The following GPR63 variants were observed in gnomAD, a reference collection of about 807,000 sequenced individuals.
The protein encoded by GPR63 is probable G protein-coupled receptor 63.
Under a neutral mutation model 23.1 loss-of-function variants are expected in GPR63, and 12 were observed. The ratio of observed to expected loss-of-function variants is 0.52; its 90% CI spans 0.33 to 0.84. The LOEUF (loss-of-function observed/expected upper bound fraction) is 0.84. Ranked by LOEUF, GPR63 falls within the 40% of genes least tolerant of loss-of-function variation. GPR63 has a pLI of 0.02. For synonymous variants in GPR63, 172 were observed against 191.1 expected (o/e 0.90, Z 0.82); for missense variants, 472 against 515.6 (o/e 0.92, Z 0.82).
Position 96,796,321 on chromosome 6 carries a change from T to C in GPR63, c.*2151A>G, listed in dbSNP as rs1033609799. The C allele has an allele frequency of 6.6e-6, 1 of 152,224 alleles. No homozygotes were observed. The allele number at this position is 152,224 out of a possible 1,614,324, so 9.4% of individuals were successfully genotyped here. The stretch of plus-strand genomic sequence containing the variant: ...AGCTGGACAGGACGTTAGAGATTCA[T>C]CTAATCCAACTCTCTGGTTTTACAA... On this transcript the variant is annotated 3_prime_UTR_variant, in exon 2 of 2. Transcript: ENST00000229955.
At chr6:96,804,628 T>A (rs1773851580) in intron 1 of GPR63, among the ~76,000 whole-genome samples, 1 of 152,184 alleles carries the variant, frequency 6.6e-6, no homozygotes, top group Admixed American at 6.5e-5. Context: ...ATTCCTGTTT[T>A]TAGAGGTACT....
chr6:96,815,069 C>T (rs755556476), intron 1 of GPR63, among the ~76,000 whole-genome samples: 2 of 152,142 alleles, frequency 1.3e-5, no homozygotes, highest in African/African-American at 2.4e-5. Context: ...TATGTGCATG[C>T]TTTAGAACTC....
chr6:96,822,117 T>C (rs1241692746), intron 1 of GPR63, among the ~76,000 whole-genome samples: 1 of 151,912 alleles, frequency 6.6e-6, no homozygotes, highest in Non-Finnish European at 1.5e-5. Context: ...ATGTAATGCA[T>C]TACCATAGCA....
Position 96,799,633 on chromosome 6 carries a change from T to G in GPR63, c.99A>C (p.Pro33=). 6.2e-7 allele frequency: 1 copy of G among 1,613,982 alleles called. No individual in the cohort carries two copies. Among genetic ancestry groups the G allele is most frequent in the South Asian group, 1.1e-5 (1 of 91,084 alleles). Reference sequence around the variant, plus strand: ...GACTGAGGTCAGGATGCTGGAATGGTGGAGGGAGTGTAATATTCATGTAGG... The same window carrying G: ...GACTGAGGTCAGGATGCTGGAATGGGGGAGGGAGTGTAATATTCATGTAGG... The part of the protein sequence containing the change: ...ENTYMNITLP[P]PFQHPDLSPL... Residue 33 remains proline, a synonymous_variant, in exon 2 of 2, where the codon CCA becomes CCC. Coordinates refer to ENST00000229955, the MANE Select transcript of GPR63 (RefSeq NM_030784.4).
intron 1 of GPR63, among the ~76,000 whole-genome samples, chr6:96,836,835 G>A (rs760455529): frequency 3.3e-5 from 5 of 152,186 alleles, no homozygotes; most frequent in Non-Finnish European, 7.4e-5. Context: ...CCCTCAAGCA[G>A]CGAGACCACC....
chr6:96,820,163 A>G (rs35582540), intron 1 of GPR63, among the ~76,000 whole-genome samples: 173 of 152,226 alleles, frequency 1.1e-3, no homozygotes, highest in Non-Finnish European at 1.9e-3. Context: ...ATTTGCTTTC[A>G]ATGATCATAA....
intron 1 of GPR63, among the ~76,000 whole-genome samples, chr6:96,829,474 C>T (rs1774525353): frequency 6.6e-6 from 1 of 152,170 alleles, no homozygotes; most frequent in Admixed American, 6.5e-5. Context: ...GGGAAGATGG[C>T]TTGAGCCCAT....
chr6:96,809,351 C>G (rs1039048701), intron 1 of GPR63, among the ~76,000 whole-genome samples: 1 of 152,096 alleles, frequency 6.6e-6, no homozygotes, highest in African/African-American at 2.4e-5. Context: ...ACTCAGACTA[C>G]AAATCTTGCA....
At chr6:96,807,922 G>A (rs895670038) in intron 1 of GPR63, among the ~76,000 whole-genome samples, 8 of 152,116 alleles carry the variant, frequency 5.3e-5, no homozygotes, top group African/African-American at 9.7e-5. Context: ...GCACAGAATG[G>A]TCAAGTAACA....
chr6:96,828,677 A>G (rs2127959977), intron 1 of GPR63, among the ~76,000 whole-genome samples: 1 of 152,198 alleles, frequency 6.6e-6, no homozygotes, highest in South Asian at 2.1e-4. Flanking sequence ...TGATAAATAA[A>G]TCCAAGTCAG....
intron 1 of GPR63, among the ~76,000 whole-genome samples, chr6:96,829,235 T>C (rs1441819584): frequency 2.6e-5 from 4 of 152,204 alleles, no homozygotes; most frequent in East Asian, 3.9e-4. Context: ...ACACCTGCCA[T>C]TGTCCATGGA....
intron 1 of GPR63, among the ~76,000 whole-genome samples, chr6:96,810,955 C>T (rs1299023634): frequency 6.6e-6 from 1 of 152,116 alleles, no homozygotes; most frequent in Non-Finnish European, 1.5e-5. Flanking sequence ...TTATTTGTAA[C>T]ATATCTGACC....
intron 1 of GPR63, 68 bp from the exon 2 acceptor site, chr6:96,799,949 G>C (rs1773719573): frequency 1.7e-6 from 1 of 580,446 alleles, no homozygotes; most frequent in African/African-American, 1.9e-5. Context: ...TTAACTCCAG[G>C]GCTGCCTTTC....
At chr6:96,809,670 T>C (rs1773990040) in intron 1 of GPR63, among the ~76,000 whole-genome samples, 1 of 152,186 alleles carries the variant, frequency 6.6e-6, no homozygotes, top group Non-Finnish European at 1.5e-5. Flanking sequence ...CTTTCACAAA[T>C]GCTAAGAAAA....
rs12110462 is a variant in GPR63 at position 96,825,618 on chromosome 6, G to A, written c.-151+11650C>T. 2.0e-3 allele frequency among the ~76,000 whole-genome samples: 309 copies of A among 152,090 alleles called. 1 individual carries two copies. In the Middle Eastern group the frequency reaches 0.02, roughly 10 times the overall value. On this transcript the variant is annotated intron_variant, in intron 1 of 1. Coordinates refer to ENST00000229955, the MANE Select transcript of GPR63 (RefSeq NM_030784.4). ...CTTCAAAGATTATTTCCATTTTGGTGCCTGTTTACTCAAGGTGAGGAAAAG... is the reference window on the plus strand; with the variant it reads ...CTTCAAAGATTATTTCCATTTTGGTACCTGTTTACTCAAGGTGAGGAAAAG...
At position 96,799,109 on chromosome 6, in the gene GPR63, C is replaced by T. The variant is rs1272584030; in HGVS notation, c.623G>A (p.Cys208Tyr). ...TCCTACGGCTAAAGGAAAAGCTACA[C>T]AAAAGGAAGTTGCCCAAGAAACTGC... Reference protein sequence around the residue: ...LIAVSWATSFCVAFPLAVGNP... With the variant: ...LIAVSWATSFYVAFPLAVGNP... Residue 208 changes from cysteine (C) to tyrosine (Y), a missense_variant, in exon 2 of 2, where the codon TGT (cysteine) becomes TAT (tyrosine). Cys to Tyr is a radical substitution (Grantham distance 194, BLOSUM62 -2). Transcript: ENST00000229955. 4.3e-6 allele frequency: 7 copies of T among 1,614,162 alleles called. No homozygotes were observed. Among genetic ancestry groups the T allele is most frequent in the Non-Finnish European group, 5.9e-6 (7 of 1,180,014 alleles).
chr6:96,809,529 T>C (rs1296666475), intron 1 of GPR63, among the ~76,000 whole-genome samples: 1 of 152,166 alleles, frequency 6.6e-6, no homozygotes, highest in East Asian at 1.9e-4. Flanking sequence ...ACCATGTGTA[T>C]ATATAACCAA....
Position 96,814,477 on chromosome 6 carries a change from T to C in GPR63, c.-150-14596A>G, listed in dbSNP as rs556093800. On this transcript the variant is annotated intron_variant, in intron 1 of 1. Transcript: ENST00000229955. ...CAAACCACCCCAAAGACAGAAGTTA[T>C]GTTCCCCATTTTCAAGAGAATTAAA... 3.3e-4 allele frequency among the ~76,000 whole-genome samples: 51 copies of C among 152,268 alleles called. No individual in the cohort carries two copies. In the South Asian group the frequency reaches 5.0e-3, roughly 15 times the overall value.
chr6:96,819,473 C>A (rs537780550), intron 1 of GPR63, among the ~76,000 whole-genome samples: 626 of 151,918 alleles, frequency 4.1e-3, no homozygotes, highest in South Asian at 9.8e-3. Context: ...ACAATGAGAA[C>A]ACATGGAGAC....
Sources: allele counts gnomAD v4.1 joint callset (sites outside exome capture counted in the v4.1 genomes callset), GRCh38; gene constraint gnomAD v4.1.1; transcripts MANE v1.5; gene names NCBI Gene and HGNC (gene_info 2026-07-23, HGNC 2026-07-21).